Variants in RADX observed in about 807,000 individuals in gnomAD.
RADX encodes RPA-related protein RADX.
RADX carries 36 observed loss-of-function variants against 61.6 expected under a neutral mutation model. The ratio of observed to expected loss-of-function variants is 0.58; its 90% CI spans 0.45 to 0.77. RADX has a LOEUF of 0.77. RADX is among the 30% of genes least tolerant of loss of function. RADX has a pLI of 0.00. For missense variants in RADX, 497 were observed against 651.1 expected (o/e 0.76, Z 2.58); for synonymous variants, 272 against 237.9 (o/e 1.14, Z -1.32).
chrX:106,657,512 C>G (rs755336797), intron 11 of RADX, among the ~76,000 whole-genome samples: 4 of 112,207 alleles, frequency 3.6e-5, no homozygotes, highest in Non-Finnish European at 7.5e-5. Context: ...AGTTTTCAGC[C>G]TATCTTGTTT....
intron 11 of RADX, among the ~76,000 whole-genome samples, chrX:106,656,026 AGAGTAGAACTTCTTTCAAAATTG>A (rs1011945961): frequency 1.9e-4 from 21 of 112,495 alleles, no homozygotes; most frequent in Middle Eastern, 4.6e-3. Context: ...CATTTTACCC[AGAGTAGAACTTCTTTCAAAATTG>A]GAGTCACTCC....
intron 13 of RADX, among the ~76,000 whole-genome samples, chrX:106,671,824 A>G (rs1278899715): frequency 9.0e-6 from 1 of 111,698 alleles, no homozygotes; most frequent in African/African-American, 3.2e-5. Flanking sequence ...TGCTGGTTTT[A>G]CCTTTCATTT....
At chrX:106,613,121 T>C (rs1926720305) in intron 1 of RADX, among the ~76,000 whole-genome samples, 2 of 112,300 alleles carry the variant, frequency 1.8e-5, no homozygotes, top group South Asian at 3.7e-4. Context: ...GAAGAGCTTA[T>C]AGATTTGAAT....
intron 12 of RADX, among the ~76,000 whole-genome samples, chrX:106,663,852 T>C (rs1198689871): frequency 8.9e-6 from 1 of 111,844 alleles, no homozygotes; most frequent in African/African-American, 3.2e-5. Flanking sequence ...AACATGTTAG[T>C]GCTCTATTAA....
intron 12 of RADX, among the ~76,000 whole-genome samples, chrX:106,664,473 T>C (rs1163604971): frequency 4.5e-5 from 5 of 111,980 alleles, no homozygotes; most frequent in Non-Finnish European, 9.4e-5. Flanking sequence ...GTAGTTTTTT[T>C]AAAAAGTTAT....
At chrX:106,637,482 A>G (rs757620638) in intron 7 of RADX, among the ~76,000 whole-genome samples, 1 of 112,080 alleles carries the variant, frequency 8.9e-6, no homozygotes, top group South Asian at 3.7e-4. Flanking sequence ...TCAAATTATT[A>G]GTTTTTCTTC....
intron 10 of RADX, among the ~76,000 whole-genome samples, chrX:106,645,547 G>A (rs1274771998): frequency 9.0e-6 from 1 of 111,319 alleles, no homozygotes. Flanking sequence ...TAATTTCTAT[G>A]TATTTGTATA....
chrX:106,643,744 T>C (rs1272832965), intron 10 of RADX, among the ~76,000 whole-genome samples: 2 of 111,855 alleles, frequency 1.8e-5, no homozygotes, highest in Non-Finnish European at 3.8e-5. Flanking sequence ...TTGATTAGGA[T>C]AGCTTTGGCT....
intron 10 of RADX, among the ~76,000 whole-genome samples, chrX:106,641,619 G>A (rs1183638198): frequency 2.7e-5 from 3 of 111,291 alleles, no homozygotes; most frequent in Admixed American, 9.6e-5. Context: ...AATTGCATTA[G>A]ATTTTAAGGC....
At chrX:106,668,712 C>T (rs1417846451) in intron 12 of RADX, among the ~76,000 whole-genome samples, 6 of 111,303 alleles carry the variant, frequency 5.4e-5, no homozygotes, top group Admixed American at 9.6e-5. Flanking sequence ...TATTTGAGGA[C>T]GGATGAGATC....
intron 3 of RADX, among the ~76,000 whole-genome samples, chrX:106,627,822 A>G (rs80105280): frequency 0.048 from 5,303 of 111,013 alleles, 132 homozygotes; most frequent in Middle Eastern, 0.1. Flanking sequence ...TATCTTTTTT[A>G]TTGTTTTTAT....
In RADX at chrX:106,625,515, A is replaced by G. The variant is rs141969183; in HGVS notation, c.979+233A>G. Among the ~76,000 whole-genome samples, 551 of 111,628 alleles carry G rather than the reference A, an allele frequency of 4.9e-3. 3 individuals are homozygous for G. The highest frequency in any genetic ancestry group is 7.7e-3 in the Non-Finnish European group (411 of 53,039). On this transcript the variant is annotated intron_variant, in intron 3 of 13. Coordinates refer to ENST00000372548, the MANE Select transcript of RADX (RefSeq NM_018015.6). ...TGAGACATTTATTGTTGATTGAAGA[A>G]TGAGCTCCACTTGGATTGTACTTAT...
intron 1 of RADX, among the ~76,000 whole-genome samples, chrX:106,622,294 A>G (rs1451708687): frequency 9.1e-6 from 1 of 109,981 alleles, no homozygotes; most frequent in African/African-American, 3.3e-5. Flanking sequence ...ATTCCATGAC[A>G]TTGAGGTTTT....
At chrX:106,623,721 C>T (rs73529259) in intron 2 of RADX, among the ~76,000 whole-genome samples, 2,622 of 110,976 alleles carry the variant, frequency 0.024, 88 homozygotes, top group African/African-American at 0.081. Flanking sequence ...TATCATATAT[C>T]ACATTACATT....
chrX:106,638,059 C>T (rs1480724600), intron 8 of RADX, 135 bp downstream of exon 8: 2 of 508,092 alleles, frequency 3.9e-6, no homozygotes, highest in Non-Finnish European at 6.6e-6. Flanking sequence ...CCGATAATAG[C>T]TTTGTCTTAA....
chrX:106,669,374 T>C (rs755037251), intron 13 of RADX, 44 bp downstream of exon 13: 2 of 849,015 alleles, frequency 2.4e-6, no homozygotes, highest in Non-Finnish European at 3.3e-6. Flanking sequence ...AAAAAAAAAA[T>C]TATAAACAGC....
At chrX:106,647,358 T>C (rs1243741186) in intron 10 of RADX, among the ~76,000 whole-genome samples, 1 of 111,483 alleles carries the variant, frequency 9.0e-6, no homozygotes, top group Non-Finnish European at 1.9e-5. Flanking sequence ...CTCCATTGTG[T>C]ATATGTACCA....
In RADX at chrX:106,632,758, C is replaced by A. The variant is rs976528927; in HGVS notation, c.1088+25C>A. The A allele has an allele frequency of 2.9e-6, 3 of 1,043,776 alleles. No individual in the cohort carries two copies. In the African/African-American group the frequency reaches 5.6e-5, roughly 20 times the overall value. 86.0% of individuals were successfully genotyped at this position (1,043,776 alleles called of 1,213,427 possible). A position where few individuals can be genotyped will look rare whatever the true frequency, so the allele number is the denominator to read the frequency against. ...GGTAAAATAGTTTCTTGTAAAATGT[C>A]TTAAATATTAATCTTCAGTCTTGGT... is the stretch of plus-strand genomic sequence containing the variant. On this transcript the variant is annotated intron_variant, in intron 4 of 13. Coordinates refer to ENST00000372548, the MANE Select transcript of RADX (RefSeq NM_018015.6).
At chrX:106,614,691 T>G (rs973652747) in intron 1 of RADX, among the ~76,000 whole-genome samples, 58 of 111,725 alleles carry the variant, frequency 5.2e-4, no homozygotes, top group African/African-American at 1.8e-3. Context: ...TTTTGACATT[T>G]TTCTAATTAA....
Sources: gnomAD v4.1 joint callset for allele counts (sites outside exome capture counted in the v4.1 genomes callset) on GRCh38, gnomAD v4.1.1 for gene constraint, MANE v1.5 for transcripts, NCBI Gene and HGNC (gene_info 2026-07-23, HGNC 2026-07-21) for gene names.